Variants in CEP128 observed in about 807,000 individuals in gnomAD.
CEP128 encodes centrosomal protein 128.
In CEP128, 132 loss-of-function variants were observed where a neutral mutation model predicts 156.7. That is an observed-to-expected ratio of 0.84 (90% CI 0.73 to 0.97). The LOEUF is 0.97. Ranked by LOEUF, CEP128 falls within the 50% of genes least tolerant of loss-of-function variation. CEP128 has a pLI of 0.00. For missense variants in CEP128, 1,252 were observed against 1,281.9 expected, an observed-to-expected ratio of 0.98 and a Z score of 0.36; for synonymous variants, 469 against 448.9, an observed-to-expected ratio of 1.04 and a Z score of -0.57.
At chr14:80,735,871 A>C (rs1898503526) in intron 19 of CEP128, among the ~76,000 whole-genome samples, 1 of 152,110 alleles carries the variant, frequency 6.6e-6, no homozygotes, top group Non-Finnish European at 1.5e-5. Flanking sequence ...AGTCTTTCTC[A>C]TATTGAATCC....
chr14:80,918,001 TCTC>T (rs1486843311), intron 2 of CEP128, among the ~76,000 whole-genome samples: 1 of 152,172 alleles, frequency 6.6e-6, no homozygotes, highest in Non-Finnish European at 1.5e-5. Context: ...CACCCATGCT[TCTC>T]CTCTGCCCAG....
intron 13 of CEP128, among the ~76,000 whole-genome samples, chr14:80,814,561 A>G (rs1488793388): frequency 6.6e-6 from 1 of 152,200 alleles, no homozygotes. Context: ...AGGGCAAACA[A>G]AAATGTATTT....
intron 24 of CEP128, among the ~76,000 whole-genome samples, chr14:80,501,428 T>A (rs1243527735): frequency 6.6e-6 from 1 of 152,158 alleles, no homozygotes; most frequent in East Asian, 1.9e-4. Context: ...AACTAGAATT[T>A]TATATAATGG....
intron 8 of CEP128, among the ~76,000 whole-genome samples, chr14:80,892,097 C>T (rs988996809): frequency 1.3e-5 from 2 of 150,098 alleles, no homozygotes; most frequent in Non-Finnish European, 3.0e-5. Flanking sequence ...ACATAAAGAC[C>T]CTAAAACAAT....
chr14:80,689,105 C>G (rs562990786), intron 19 of CEP128, among the ~76,000 whole-genome samples: 76 of 152,108 alleles, frequency 5.0e-4, no homozygotes, highest in Middle Eastern at 3.4e-3. Flanking sequence ...GCACCCAGCA[C>G]TTTGAGAGGC....
At chr14:80,842,771 A>G (rs1303040432) in intron 9 of CEP128, among the ~76,000 whole-genome samples, 1 of 152,006 alleles carries the variant, frequency 6.6e-6, no homozygotes, top group Non-Finnish European at 1.5e-5. Context: ...ATGAATTTCA[A>G]TAATTATGTT....
At chr14:80,681,014 C>A (rs779936008) in intron 19 of CEP128, among the ~76,000 whole-genome samples, 1 of 144,426 alleles carries the variant, frequency 6.9e-6, no homozygotes, top group Non-Finnish European at 1.5e-5. Flanking sequence ...TACGTATATA[C>A]CATGCTGGCT....
rs1901314166 is a variant in CEP128 at position 80,784,910 on chromosome 14, A to G, written c.2196T>C (p.His732=). The change falls in exon 15 of 25, where the codon CAT becomes CAC. Residue 732 remains histidine, a synonymous_variant. Transcript: ENST00000555265. The part of the protein sequence containing the change: ...FKKEKSEAEN[H]IRTLKAESLE... Reference sequence around the variant, plus strand: ...GCAGAGGTACCTTCAGAGTCCTGATATGATTCTCAGCCTCACTCTTTTCTT... The same window carrying G: ...GCAGAGGTACCTTCAGAGTCCTGATGTGATTCTCAGCCTCACTCTTTTCTT... 6.2e-7 allele frequency: 1 copy of G among 1,610,544 alleles called. No homozygotes were observed. Among genetic ancestry groups the G allele is most frequent in the Non-Finnish European group, 8.5e-7 (1 of 1,178,394 alleles).
chr14:80,672,192 A>G (rs888781052), intron 19 of CEP128, among the ~76,000 whole-genome samples: 1 of 152,154 alleles, frequency 6.6e-6, no homozygotes, highest in Non-Finnish European at 1.5e-5. Flanking sequence ...AAAAAACTCA[A>G]GCAAGCTGGG....
chr14:80,661,204 C>G (rs72690932), intron 19 of CEP128, among the ~76,000 whole-genome samples: 19,940 of 152,178 alleles, frequency 0.13, 1,602 homozygotes, highest in Non-Finnish European at 0.2. Flanking sequence ...CGTGCTCCCC[C>G]CCACAGAAAA....
chr14:80,587,047 A>ATT (rs34069304), intron 19 of CEP128, among the ~76,000 whole-genome samples: 19 of 150,574 alleles, frequency 1.3e-4, no homozygotes, highest in Admixed American at 4.6e-4. Flanking sequence ...AGCTCTCAGT[A>ATT]TTTTTTTTTT....
chr14:80,836,832 T>A (rs1886103056), intron 11 of CEP128, among the ~76,000 whole-genome samples: 1 of 152,194 alleles, frequency 6.6e-6, no homozygotes, highest in Non-Finnish European at 1.5e-5. Flanking sequence ...TATCTTTCTA[T>A]CCTTAGACTG....
At chr14:80,955,933 A>C in intron 2 of CEP128, 212 of 1,537,412 alleles carry the variant, frequency 1.4e-4, no homozygotes, top group Non-Finnish European at 1.8e-4. Flanking sequence ...AAAGCAGCTC[A>C]ATAACAGCCC....
intron 19 of CEP128, among the ~76,000 whole-genome samples, chr14:80,656,090 G>A (rs1426183019): frequency 6.6e-6 from 1 of 151,370 alleles, no homozygotes; most frequent in Non-Finnish European, 1.5e-5. Flanking sequence ...TGGTCACAGA[G>A]ATAGATGAAA....
intron 9 of CEP128, among the ~76,000 whole-genome samples, chr14:80,856,067 T>C (rs1030368051): frequency 6.6e-6 from 1 of 152,142 alleles, no homozygotes; most frequent in African/African-American, 2.4e-5. Flanking sequence ...AAAAAAAGTA[T>C]CGATTACTTT....
intron 13 of CEP128, among the ~76,000 whole-genome samples, chr14:80,806,464 C>G (rs148213109): frequency 6.6e-6 from 1 of 152,094 alleles, no homozygotes; most frequent in Non-Finnish European, 1.5e-5. Context: ...CAGTAATGCA[C>G]GAGGGAAATT....
intron 23 of CEP128, among the ~76,000 whole-genome samples, chr14:80,520,902 A>G (rs1328013753): frequency 6.6e-6 from 1 of 151,948 alleles, no homozygotes; most frequent in Non-Finnish European, 1.5e-5. Context: ...GGCTCACTGC[A>G]AGCTCTGCCT....
chr14:80,612,220 A>G (rs969358332), intron 19 of CEP128, among the ~76,000 whole-genome samples: 1 of 152,168 alleles, frequency 6.6e-6, no homozygotes, highest in Non-Finnish European at 1.5e-5. Context: ...AATATTCTTG[A>G]TAGATTAAGC....
chr14:80,633,498 CTG>C (rs1894051860), intron 19 of CEP128, among the ~76,000 whole-genome samples: 1 of 82,392 alleles, frequency 1.2e-5, no homozygotes, highest in Admixed American at 1.4e-4. Flanking sequence ...TCTGCCACCT[CTG>C]TCTCTCTCTA....
Sources: gnomAD v4.1 joint callset for allele counts (sites outside exome capture counted in the v4.1 genomes callset) on GRCh38, gnomAD v4.1.1 for gene constraint, MANE v1.5 for transcripts, NCBI Gene and HGNC (gene_info 2026-07-23, HGNC 2026-07-21) for gene names.